Variants in CNTN4 observed in about 807,000 individuals in gnomAD.
CNTN4 encodes the protein contactin 4, also known as contactin-4.
A neutral mutation model predicts 122.5 loss-of-function variants in CNTN4; 77 were observed. The observed-to-expected ratio is 0.63, with a 90% CI of 0.52 to 0.76. The LOEUF (loss-of-function observed/expected upper bound fraction) is 0.76, where lower values mean the gene tolerates loss of function less well. Ranked by LOEUF, CNTN4 falls within the 30% of genes least tolerant of loss-of-function variation. The pLI is 0.00. For missense variants in CNTN4, 1,256 were observed against 1,259.1 expected (o/e 1.00, Z 0.04); for synonymous variants, 512 against 447.0 (o/e 1.15, Z -1.83).
At chr3:2,578,142 A>C (rs2079778012) in intron 4 of CNTN4, among the ~76,000 whole-genome samples, 2 of 152,128 alleles carry the variant, frequency 1.3e-5, no homozygotes, top group African/African-American at 4.8e-5. Context: ...TCTATGATAG[A>C]CAAAAATATA....
intron 3 of CNTN4, among the ~76,000 whole-genome samples, chr3:2,480,577 A>G (rs2075962899): frequency 1.3e-5 from 2 of 152,246 alleles, no homozygotes; most frequent in South Asian, 2.1e-4. Flanking sequence ...TACGAGGTCT[A>G]TGTGAAGAAA....
rs1003731853 is a variant in CNTN4 at position 2,718,385 on chromosome 3, A to G, written c.56-17830A>G. Reference sequence around the variant, plus strand: ...TGCTGGATATTTTGCCCAGAGTAGAAGCATATTAACTGACAAGGGCCAACT... The same window carrying G: ...TGCTGGATATTTTGCCCAGAGTAGAGGCATATTAACTGACAAGGGCCAACT... On this transcript the variant is annotated intron_variant, in intron 4 of 24. Coordinates refer to ENST00000418658, the MANE Select transcript of CNTN4 (RefSeq NM_175607.3). Among the ~76,000 whole-genome samples, 3 of 152,178 alleles carry G rather than the reference A, an allele frequency of 2.0e-5. No individual in the cohort carries two copies. The South Asian group carries it at 6.2e-4, about 31-fold the overall frequency.
chr3:2,589,642 A>G (rs1221939453), intron 4 of CNTN4, among the ~76,000 whole-genome samples: 2 of 152,218 alleles, frequency 1.3e-5, no homozygotes, highest in Non-Finnish European at 2.9e-5. Flanking sequence ...ATTTGGGAGC[A>G]GCTTAGCTGG....
rs117912057 is a variant in CNTN4, at chr3:2,980,361, G to A, written c.1359-7984G>A. The stretch of plus-strand genomic sequence containing the variant: ...CACCAATAATTTAAAAAGGGCCACA[G>A]GTAGGTCAGGACTAACCTGTTCTAA... On this transcript the variant is annotated intron_variant, in intron 13 of 24. Transcript: ENST00000418658. 7.0e-5 allele frequency among the ~76,000 whole-genome samples: 9 copies of A among 128,982 alleles called. No individual in the cohort carries two copies. The East Asian group carries it at 1.4e-3, about 20-fold the overall frequency. The allele number at this position is 128,982 out of a possible 152,430, so 84.6% of individuals were successfully genotyped here.
At chr3:2,310,948 A>T (rs1037873421) in intron 2 of CNTN4, among the ~76,000 whole-genome samples, 2 of 152,090 alleles carry the variant, frequency 1.3e-5, no homozygotes, top group Admixed American at 1.3e-4. Context: ...AAAATTTCAC[A>T]TTTGATTTAT....
chr3:2,403,609 T>C (rs1369156155), intron 3 of CNTN4, among the ~76,000 whole-genome samples: 1 of 152,202 alleles, frequency 6.6e-6, no homozygotes, highest in African/African-American at 2.4e-5. Flanking sequence ...TCTAGGCTAA[T>C]CTGATTGTCA....
chr3:2,444,078 G>C (rs1290220416), intron 3 of CNTN4, among the ~76,000 whole-genome samples: 1 of 151,792 alleles, frequency 6.6e-6, no homozygotes, highest in East Asian at 1.9e-4. Flanking sequence ...ATGTAATTTT[G>C]TATATATTTA....
intron 2 of CNTN4, among the ~76,000 whole-genome samples, chr3:2,230,708 G>A (rs1401081567): frequency 6.6e-6 from 1 of 152,096 alleles, no homozygotes; most frequent in Non-Finnish European, 1.5e-5. Flanking sequence ...GTGAGGGATG[G>A]GTGCGGTGGC....
intron 2 of CNTN4, among the ~76,000 whole-genome samples, chr3:2,260,728 A>ATTT (rs200213068): frequency 1.1e-5 from 1 of 92,836 alleles, no homozygotes; most frequent in Non-Finnish European, 2.2e-5. Context: ...TATTTTATTT[A>ATTT]TTTATTTTTT....
In CNTN4 at chr3:2,582,373, C is replaced by T. The variant is rs552218385; in HGVS notation, c.55+10815C>T. Among the ~76,000 whole-genome samples the T allele has an allele frequency of 2.6e-5, 4 of 152,210 alleles. No homozygotes were observed. In the East Asian group the frequency reaches 7.8e-4, roughly 30 times the overall value. On this transcript the variant is annotated intron_variant, in intron 4 of 24. Transcript: ENST00000418658. ...TCCCACAGATAATGAGTGGCATAAT[C>T]AGATTCCAAGTTTCCCAAACTGTAA...
At chr3:2,778,245 T>TAAAG (rs939488852) in intron 6 of CNTN4, among the ~76,000 whole-genome samples, 2 of 135,148 alleles carry the variant, frequency 1.5e-5, no homozygotes, top group Non-Finnish European at 3.3e-5. Flanking sequence ...AATAAATAAA[T>TAAAG]AAATAAATAA....
At chr3:2,491,798 C>G (rs1422801776) in intron 3 of CNTN4, among the ~76,000 whole-genome samples, 1 of 152,132 alleles carries the variant, frequency 6.6e-6, no homozygotes, top group African/African-American at 2.4e-5. Flanking sequence ...AACTAGAAAT[C>G]GACATTTTCT....
rs79020773 is a variant in CNTN4 at position 2,971,089 on chromosome 3, C to T, written c.1359-17256C>T. On this transcript the variant is annotated intron_variant, in intron 13 of 24. Coordinates refer to ENST00000418658, the MANE Select transcript of CNTN4 (RefSeq NM_175607.3). ...GGCCTGAGCCAGCACACCCAGCCTA[C>T]GCTGTATTCTTACAATAAAGAAAAT... Among the ~76,000 whole-genome samples, 194 of 152,158 alleles carry T rather than the reference C, an allele frequency of 1.3e-3. 3 individuals are homozygous for T. In the East Asian group the frequency reaches 0.034, roughly 27 times the overall value.
intron 4 of CNTN4, among the ~76,000 whole-genome samples, chr3:2,580,369 A>G (rs1045795233): frequency 1.3e-5 from 2 of 152,138 alleles, no homozygotes; most frequent in African/African-American, 2.4e-5. Context: ...CCAGTAGTTT[A>G]TCAAGTTGTA....
intron 2 of CNTN4, among the ~76,000 whole-genome samples, chr3:2,338,897 C>T (rs936830085): frequency 6.6e-6 from 1 of 152,134 alleles, no homozygotes; most frequent in South Asian, 2.1e-4. Context: ...ATTGCAGGCT[C>T]CTAGAGCCAT....
intron 9 of CNTN4, among the ~76,000 whole-genome samples, chr3:2,884,236 G>A (rs537195019): frequency 3.9e-5 from 6 of 152,064 alleles, no homozygotes; most frequent in Non-Finnish European, 8.8e-5. Flanking sequence ...ACTGAGCCAG[G>A]CAACACTAAC....
At position 2,294,288 on chromosome 3, in the gene CNTN4, C is replaced by CTTTTTTTTTTTTTTT. The variant is rs71058604; in HGVS notation, c.-144-44889_-144-44875dup. The stretch of plus-strand genomic sequence containing the variant: ...CAAAGGAAAGGCAGAAGAGTTGTGA[C>CTTTTTTTTTTTTTTT]TTTTTTTTTTTTTTTACTGAATACC... On this transcript the variant is annotated intron_variant, in intron 2 of 24. Coordinates refer to ENST00000418658, the MANE Select transcript of CNTN4 (RefSeq NM_175607.3). Among the ~76,000 whole-genome samples the CTTTTTTTTTTTTTTT allele has an allele frequency of 2.0e-3, 269 of 135,550 alleles. 9 individuals are homozygous for CTTTTTTTTTTTTTTT. Among genetic ancestry groups the CTTTTTTTTTTTTTTT allele is most frequent in the African/African-American group, 6.8e-3 (250 of 36,822 alleles). 88.9% of individuals were successfully genotyped at this position (135,550 alleles called of 152,430 possible).
chr3:2,935,832 A>G (rs369793539), intron 13 of CNTN4, among the ~76,000 whole-genome samples: 2 of 152,306 alleles, frequency 1.3e-5, no homozygotes, highest in South Asian at 4.1e-4. Flanking sequence ...CTTGTGCTAT[A>G]CCTAGAGTAG....
At chr3:2,553,179 TTAAAG>T (rs949154139) in intron 3 of CNTN4, among the ~76,000 whole-genome samples, 1 of 152,124 alleles carries the variant, frequency 6.6e-6, no homozygotes, top group African/African-American at 2.4e-5. Context: ...TGTTATATCT[TTAAAG>T]AGAAGAATCA....
Sources: allele counts gnomAD v4.1 joint callset (sites outside exome capture counted in the v4.1 genomes callset), GRCh38; gene constraint gnomAD v4.1.1; transcripts MANE v1.5; gene names NCBI Gene and HGNC (gene_info 2026-07-23, HGNC 2026-07-21).